Variants in HPSE2 observed in about 807,000 individuals in gnomAD.
HPSE2 encodes the protein inactive heparanase-2.
A neutral mutation model predicts 60.5 loss-of-function variants in HPSE2; 38 were observed. That is an observed-to-expected ratio of 0.63 (90% CI 0.48 to 0.82). The LOEUF (loss-of-function observed/expected upper bound fraction) is 0.82, where lower values mean the gene tolerates loss of function less well. Ranked by LOEUF, HPSE2 falls within the 40% of genes least tolerant of loss-of-function variation. The probability of loss-of-function intolerance (pLI) is 0.00; values close to 1 mark genes in which losing one functional copy is unlikely to be tolerated. For missense variants in HPSE2, 713 were observed against 740.4 expected (o/e 0.96, Z 0.43); for synonymous variants, 295 against 293.2 (o/e 1.01, Z -0.06).
chr10:98,917,814 G>T (rs756447071), intron 3 of HPSE2, among the ~76,000 whole-genome samples: 5 of 152,174 alleles, frequency 3.3e-5, no homozygotes, highest in Non-Finnish European at 7.3e-5. Context: ...TAGGCATCCA[G>T]CAAGGAAGTT....
intron 3 of HPSE2, among the ~76,000 whole-genome samples, chr10:98,778,264 C>CAGACAGAGAGAG (rs1950385087): frequency 8.9e-6 from 1 of 112,654 alleles, no homozygotes; most frequent in African/African-American, 3.4e-5. Context: ...GAGAGAGAGA[C>CAGACAGAGAGAG]AGAGAGAGAG....
chr10:98,515,431 A>G (rs1942570905), intron 9 of HPSE2, among the ~76,000 whole-genome samples: 1 of 152,370 alleles, frequency 6.6e-6, no homozygotes, highest in Admixed American at 6.5e-5. Context: ...ATTAATGAGT[A>G]AACAAATTGT....
chr10:99,126,712 A>G lies in HPSE2; in HGVS notation c.610+17526T>C, dbSNP rs1340376129. ...ATTCAAGAAAGCCAGCACACTAAAC[A>G]TAGCTACAACTAAGGACCCTGACAC... is the stretch of plus-strand genomic sequence containing the variant. On this transcript the variant is annotated intron_variant, in intron 3 of 11. Coordinates refer to ENST00000370552, the MANE Select transcript of HPSE2 (RefSeq NM_021828.5). This position sits in a 1 kb window ranked among gnomAD's most constrained non-coding sequence, Gnocchi z 4.0. Among the ~76,000 whole-genome samples, 1 of 152,202 alleles carries G rather than the reference A, an allele frequency of 6.6e-6. No homozygotes were observed. Among genetic ancestry groups the G allele is most frequent in the Non-Finnish European group, 1.5e-5 (1 of 68,028 alleles).
intron 3 of HPSE2, among the ~76,000 whole-genome samples, chr10:99,094,541 T>TATATATATATATATATA (rs1491238747): frequency 9.5e-4 from 13 of 13,658 alleles, no homozygotes; most frequent in East Asian, 2.4e-3. Flanking sequence ...TATATATATA[T>TATATATATATATATATA]TTTTTTTTTT....
chr10:99,103,181 G>A (rs1441052779), intron 3 of HPSE2, among the ~76,000 whole-genome samples: 2 of 152,164 alleles, frequency 1.3e-5, no homozygotes, highest in African/African-American at 2.4e-5. Context: ...TAGGAAAAGA[G>A]GAAGTCAAAT....
intron 3 of HPSE2, among the ~76,000 whole-genome samples, chr10:98,931,896 G>T (rs1041390403): frequency 1.4e-5 from 2 of 143,556 alleles, no homozygotes. Flanking sequence ...CTAGATACAG[G>T]ATCATGTCAT....
At chr10:98,868,252 A>T (rs1290300415) in intron 3 of HPSE2, among the ~76,000 whole-genome samples, 1 of 152,016 alleles carries the variant, frequency 6.6e-6, no homozygotes. Flanking sequence ...CAGAAAGACA[A>T]ACATCGCATA....
intron 2 of HPSE2, among the ~76,000 whole-genome samples, chr10:99,214,665 T>C (rs943858977): frequency 6.6e-6 from 1 of 151,674 alleles, no homozygotes; most frequent in Non-Finnish European, 1.5e-5. Flanking sequence ...CAACCTACCG[T>C]ATGGGGGAAA....
chr10:99,246,521 C>T, the HPSE2 span, among the ~76,000 whole-genome samples: 6 of 152,282 alleles, frequency 3.9e-5, no homozygotes, highest in African/African-American at 1.2e-4. Context: ...CCAAGGCAAG[C>T]GGGTCACCTG....
chr10:99,249,311 C>T, the HPSE2 span, among the ~76,000 whole-genome samples: 2 of 152,334 alleles, frequency 1.3e-5, no homozygotes, highest in Admixed American at 6.5e-5. Context: ...GGAGCCCAAC[C>T]CTTGCATCAG....
intron 2 of HPSE2, among the ~76,000 whole-genome samples, chr10:99,166,959 C>G (rs1482857099): frequency 6.6e-6 from 1 of 151,222 alleles, no homozygotes; most frequent in Admixed American, 6.6e-5. Flanking sequence ...ATCTATTTTT[C>G]TTTTTATGGA....
intron 4 of HPSE2, among the ~76,000 whole-genome samples, chr10:98,730,718 A>AT: frequency 6.6e-6 from 1 of 152,268 alleles, no homozygotes; most frequent in South Asian, 2.1e-4. Flanking sequence ...AAAATGGTAA[A>AT]TTTTTTTAAA....
chr10:98,790,807 AAT>A (rs1266176636), intron 3 of HPSE2, among the ~76,000 whole-genome samples: 1 of 148,924 alleles, frequency 6.7e-6, no homozygotes, highest in African/African-American at 2.4e-5. Context: ...TAAAAAGAAA[AAT>A]AATGTGATAT....
intron 1 of HPSE2, among the ~76,000 whole-genome samples, chr10:99,233,434 G>T (rs1229121422): frequency 6.6e-6 from 1 of 152,144 alleles, no homozygotes; most frequent in Non-Finnish European, 1.5e-5. Context: ...CAAAACAATA[G>T]CATTTGCATC....
chr10:99,255,915 C>T, the HPSE2 span, among the ~76,000 whole-genome samples: 1 of 152,150 alleles, frequency 6.6e-6, no homozygotes, highest in Non-Finnish European at 1.5e-5. Context: ...CTCACAGTTC[C>T]ACAGGCTGTG....
At chr10:98,626,770 A>C (rs1457655193) in intron 7 of HPSE2, among the ~76,000 whole-genome samples, 5 of 149,662 alleles carry the variant, frequency 3.3e-5, no homozygotes, top group African/African-American at 1.3e-4. Flanking sequence ...ATGAGATATT[A>C]TTTTTCTTTT....
chr10:99,102,334 T>A (rs183518579), intron 3 of HPSE2, among the ~76,000 whole-genome samples: 1 of 152,000 alleles, frequency 6.6e-6, no homozygotes, highest in Non-Finnish European at 1.5e-5. Context: ...CAAACTACCA[T>A]CAGAGAATAC....
intron 11 of HPSE2, chr10:98,461,797 C>T (rs995889142): frequency 6.9e-6 from 11 of 1,595,706 alleles, no homozygotes; most frequent in African/African-American, 1.3e-5. Context: ...CAGATGATCC[C>T]ACAGTATTGA....
chr10:98,776,580 T>A (rs1950345896), intron 3 of HPSE2, among the ~76,000 whole-genome samples: 1 of 152,202 alleles, frequency 6.6e-6, no homozygotes, highest in Admixed American at 6.5e-5. Context: ...TTTAGGTGCA[T>A]TTTATAAGAA....
Sources: gnomAD v4.1 joint callset for allele counts (sites outside exome capture counted in the v4.1 genomes callset) on GRCh38, gnomAD v4.1.1 for gene constraint, Gnocchi (gnomAD v3.1) non-coding constraint, MANE v1.5 for transcripts, NCBI Gene and HGNC (gene_info 2026-07-23, HGNC 2026-07-21) for gene names.